The following GPAT3 variants were observed in gnomAD, a reference collection of about 807,000 sequenced individuals.
The protein encoded by GPAT3 is 1-AGP acyltransferase 9.
Under a neutral mutation model 58.8 loss-of-function variants are expected in GPAT3, and 53 were observed. That is an observed-to-expected ratio of 0.90 (90% CI 0.72 to 1.13). The LOEUF (loss-of-function observed/expected upper bound fraction) is 1.13, where lower values mean the gene tolerates loss of function less well. Among genes scored for constraint, GPAT3 ranks in the 50% most tolerant of loss-of-function variants. The probability of loss-of-function intolerance (pLI) is 0.00; values close to 1 mark genes in which losing one functional copy is unlikely to be tolerated. For missense variants in GPAT3, 511 were observed against 527.6 expected (o/e 0.97, Z 0.31); for synonymous variants, 197 against 187.4 (o/e 1.05, Z -0.42).
intron 2 of GPAT3, among the ~76,000 whole-genome samples, chr4:83,563,805 G>T (rs1297449741): frequency 6.6e-6 from 1 of 152,026 alleles, no homozygotes; most frequent in Non-Finnish European, 1.5e-5. Flanking sequence ...TTCTTGACTT[G>T]CTAACACCAA....
chr4:83,596,203 T>A (rs1377833889), intron 7 of GPAT3, among the ~76,000 whole-genome samples: 1 of 152,128 alleles, frequency 6.6e-6, no homozygotes, highest in Non-Finnish European at 1.5e-5. Context: ...ATTTTTCAGA[T>A]GAGGAAACCT....
chr4:83,577,788 CTTTTTTTTTTTT>C (rs1185047521), intron 2 of GPAT3, among the ~76,000 whole-genome samples: 7 of 66,690 alleles, frequency 1.0e-4, no homozygotes, highest in African/African-American at 3.9e-4. Context: ...GTCATTGTGG[CTTTTTTTTTTTT>C]TTTTTTTTTT....
intron 1 of GPAT3, among the ~76,000 whole-genome samples, chr4:83,541,139 CA>C (rs1724288032): frequency 6.6e-6 from 1 of 152,214 alleles, no homozygotes; most frequent in South Asian, 2.1e-4. Flanking sequence ...TTTTTACTTT[CA>C]CCGGGCATCA....
chr4:83,550,285 C>T (rs1044317138), intron 2 of GPAT3, among the ~76,000 whole-genome samples: 1 of 152,038 alleles, frequency 6.6e-6, no homozygotes, highest in African/African-American at 2.4e-5. Flanking sequence ...CATCTGCATC[C>T]GTCTCCCAAA....
At chr4:83,572,601 A>C (rs981700880) in intron 2 of GPAT3, among the ~76,000 whole-genome samples, 7 of 152,222 alleles carry the variant, frequency 4.6e-5, no homozygotes, top group African/African-American at 1.7e-4. Context: ...CCATAGTCTC[A>C]TCTTCATGTA....
At chr4:83,556,555 CA>C (rs1163670627) in intron 2 of GPAT3, among the ~76,000 whole-genome samples, 2 of 146,934 alleles carry the variant, frequency 1.4e-5, no homozygotes, top group African/African-American at 5.1e-5. Flanking sequence ...CTGTTATTCT[CA>C]ACGCTATTTT....
rs1724430813 is a variant in GPAT3, at chr4:83,544,516, T to C, written c.142-20T>C. ...GTGTCTGTGGGACAGTTTAAATTAA[T>C]ATTTCTTGTTTTTGAACAGTGGGCC... is the stretch of plus-strand genomic sequence containing the variant. On this transcript the variant is annotated intron_variant, in intron 1 of 11. Transcript: ENST00000264409. The C allele has an allele frequency of 6.2e-7, 1 of 1,611,590 alleles. No individual in the cohort carries two copies. Among genetic ancestry groups the C allele is most frequent in the South Asian group, 1.1e-5 (1 of 91,030 alleles).
chr4:83,590,291 T>C lies in GPAT3; in HGVS notation c.737T>C (p.Met246Thr). The C allele has an allele frequency of 6.2e-7, 1 of 1,612,722 alleles. No homozygotes were observed. The highest frequency in any genetic ancestry group is 8.5e-7 in the Non-Finnish European group (1 of 1,179,124). ...LILTTDGCYA[M>T]VGQVHGGLMG... Reference sequence around the variant, plus strand: ...TTGACAACGGATGGATGTTATGCTATGGTAAGAGCAGCTCATTGATATTTC... The same window carrying C: ...TTGACAACGGATGGATGTTATGCTACGGTAAGAGCAGCTCATTGATATTTC... The change falls in exon 6 of 12, where the codon ATG becomes ACG. Residue 246 changes from methionine (M) to threonine (T), a missense_variant and splice_region_variant. By Grantham distance (81) the Met-to-Thr change is moderately conservative (BLOSUM62 -1). Coordinates refer to ENST00000264409, the MANE Select transcript of GPAT3 (RefSeq NM_032717.5).
chr4:83,572,115 A>G (rs1320620077), intron 2 of GPAT3, among the ~76,000 whole-genome samples: 3 of 152,276 alleles, frequency 2.0e-5, no homozygotes, highest in African/African-American at 4.8e-5. Context: ...TTAGTTTAAT[A>G]TATCTGGGAG....
chr4:83,602,712 A>G (rs1328944998), intron 11 of GPAT3, among the ~76,000 whole-genome samples: 3 of 152,140 alleles, frequency 2.0e-5, no homozygotes, highest in Non-Finnish European at 2.9e-5. Context: ...ATTGCTCAAG[A>G]CTTACATTTT....
At chr4:83,589,126 A>C (rs1407085823) in intron 5 of GPAT3, among the ~76,000 whole-genome samples, 1 of 152,252 alleles carries the variant, frequency 6.6e-6, no homozygotes, top group Non-Finnish European at 1.5e-5. Flanking sequence ...GAAGAGTGAA[A>C]GAAAACACTC....
At chr4:83,584,854 C>T (rs1485407049) in intron 3 of GPAT3, among the ~76,000 whole-genome samples, 1 of 152,152 alleles carries the variant, frequency 6.6e-6, no homozygotes, top group African/African-American at 2.4e-5. Flanking sequence ...AATTGTATGT[C>T]AATAAAGCTC....
intron 10 of GPAT3, 61 bp from the exon 11 acceptor site, chr4:83,598,583 A>G: frequency 2.4e-6 from 3 of 1,267,116 alleles, no homozygotes; most frequent in East Asian, 2.3e-5. Context: ...AATGATTATG[A>G]GATGGTATTA....
intron 2 of GPAT3, among the ~76,000 whole-genome samples, chr4:83,565,054 C>T (rs1040116557): frequency 3.3e-5 from 5 of 151,660 alleles, no homozygotes; most frequent in African/African-American, 7.3e-5. Context: ...TGATTTGAGA[C>T]GCATCTTCAA....
At chr4:83,604,282 G>A (rs1727175842) in intron 11 of GPAT3, among the ~76,000 whole-genome samples, 1 of 152,108 alleles carries the variant, frequency 6.6e-6, no homozygotes, top group South Asian at 2.1e-4. Context: ...TGTTGGCCAG[G>A]CTGGTCTCGA....
At chr4:83,544,711 G>T in intron 2 of GPAT3, 109 bp downstream of exon 2, 1 of 1,031,900 alleles carries the variant, frequency 9.7e-7, no homozygotes, top group Non-Finnish European at 1.5e-6. Flanking sequence ...TATAGGGTTT[G>T]GATCTTTCAT....
chr4:83,585,976 C>T (rs1726361238), intron 3 of GPAT3, among the ~76,000 whole-genome samples: 1 of 142,432 alleles, frequency 7.0e-6, no homozygotes, highest in South Asian at 2.1e-4. Flanking sequence ...AATTCTGGAG[C>T]CCTGGGTTCA....
intron 11 of GPAT3, 136 bp downstream of exon 11, chr4:83,598,859 A>G (rs1363111022): frequency 1.6e-6 from 1 of 625,580 alleles, no homozygotes; most frequent in East Asian, 3.1e-5. Context: ...GCCTGATCAT[A>G]GTTCACTGTA....
Position 83,562,199 on chromosome 4 carries a change from A to T in GPAT3, c.208+17597A>T, listed in dbSNP as rs1479901411. ...ATATATTATATATATATATATATATAATATATATATATTATATATATATAT... is the reference window on the plus strand; with the variant it reads ...ATATATTATATATATATATATATATTATATATATATATTATATATATATAT... On this transcript the variant is annotated intron_variant, in intron 2 of 11. Transcript: ENST00000264409. 6.3e-3 allele frequency among the ~76,000 whole-genome samples: 229 copies of T among 36,070 alleles called. 1 individual carries two copies. The highest frequency in any genetic ancestry group is 0.017 in the East Asian group (20 of 1,154). The allele number at this position is 36,070 out of a possible 152,430, so 23.7% of individuals were successfully genotyped here.
Sources: allele counts gnomAD v4.1 joint callset (sites outside exome capture counted in the v4.1 genomes callset), GRCh38; gene constraint gnomAD v4.1.1; transcripts MANE v1.5; gene names NCBI Gene and HGNC (gene_info 2026-07-23, HGNC 2026-07-21).